The following N4BP2 variants were observed in gnomAD, a reference collection of about 807,000 sequenced individuals.
N4BP2 encodes NEDD4-binding protein 2.
Under a neutral mutation model 152.8 loss-of-function variants are expected in N4BP2, and 91 were observed. That is an observed-to-expected ratio of 0.60 (90% confidence interval 0.50 to 0.71). The LOEUF is 0.71. Among genes scored for constraint, N4BP2 ranks in the 30% least tolerant of loss-of-function variants. The pLI is 0.00. For synonymous variants in N4BP2, 646 were observed against 705.3 expected (o/e 0.92, Z 1.33); for missense variants, 1,923 against 2,059.1 (o/e 0.93, Z 1.28).
At chr4:40,151,313 G>T (rs1579159771) in intron 16 of N4BP2, among the ~76,000 whole-genome samples, 1 of 152,102 alleles carries the variant, frequency 6.6e-6, no homozygotes, top group African/African-American at 2.4e-5. Context: ...TGGCTCTGTT[G>T]CCCAGGCTGG....
chr4:40,142,971 A>C, intron 15 of N4BP2, 110 bp downstream of exon 15: 1 of 847,178 alleles, frequency 1.2e-6, no homozygotes, highest in Non-Finnish European at 1.8e-6. Flanking sequence ...TGGGGAATGT[A>C]GTAGTTATGT....
At chr4:40,108,573 C>T (rs1716550261) in intron 5 of N4BP2, among the ~76,000 whole-genome samples, 1 of 149,878 alleles carries the variant, frequency 6.7e-6, no homozygotes, top group Non-Finnish European at 1.5e-5. Context: ...CTCGGCCTCC[C>T]AAAGTGCTGG....
intron 1 of N4BP2, among the ~76,000 whole-genome samples, chr4:40,068,169 T>G (rs1245450490): frequency 6.6e-6 from 1 of 152,246 alleles, no homozygotes; most frequent in African/African-American, 2.4e-5. Flanking sequence ...TTGGGTTATT[T>G]GGATTTTGTT....
At chr4:40,176,349 C>A in the N4BP2 span, among the ~76,000 whole-genome samples, 2 of 152,180 alleles carry the variant, frequency 1.3e-5, no homozygotes, top group African/African-American at 2.4e-5. Context: ...GTTGGACATT[C>A]ATGCTGATCA....
At chr4:40,063,196 A>G (rs909520302) in intron 1 of N4BP2, among the ~76,000 whole-genome samples, 1 of 152,224 alleles carries the variant, frequency 6.6e-6, no homozygotes, top group African/African-American at 2.4e-5. Context: ...TTGGTGTTCA[A>G]GTAACAGAAA....
At chr4:40,171,332 A>G in the N4BP2 span, among the ~76,000 whole-genome samples, 1 of 152,144 alleles carries the variant, frequency 6.6e-6, no homozygotes, top group Non-Finnish European at 1.5e-5. Context: ...AGAGAGTGCC[A>G]TCTTGTTTTC....
chr4:40,103,252 A>G (rs766382735), intron 4 of N4BP2, 34 bp downstream of exon 4: 1 of 1,533,560 alleles, frequency 6.5e-7, no homozygotes, highest in East Asian at 2.3e-5. Context: ...AAAAAATAGT[A>G]TAATGTCTGA....
chr4:40,146,950 T>TTCTC lies in N4BP2; in HGVS notation c.5143+2151_5143+2154dup, dbSNP rs1720591770. Among the ~76,000 whole-genome samples, 5 of 149,942 alleles carry TTCTC rather than the reference T, an allele frequency of 3.3e-5. No homozygotes were observed. In the South Asian group the frequency reaches 1.1e-3, roughly 32 times the overall value. On this transcript the variant is annotated intron_variant, in intron 16 of 17. Transcript: ENST00000261435. ...TTTTTTATTGATCATTCTTGGGTGT[T>TTCTC]TCTCGCAGAGGGGGATTTGGCAGGG...
At chr4:40,067,471 T>C (rs1711641774) in intron 1 of N4BP2, among the ~76,000 whole-genome samples, 1 of 152,092 alleles carries the variant, frequency 6.6e-6, no homozygotes, top group African/African-American at 2.4e-5. Context: ...TTGACTATTG[T>C]GAATAACGCT....
At chr4:40,069,301 TAG>T (rs1381732793) in intron 1 of N4BP2, among the ~76,000 whole-genome samples, 1 of 151,602 alleles carries the variant, frequency 6.6e-6, no homozygotes, top group Admixed American at 6.6e-5. Context: ...TAGCTGGGCT[TAG>T]TTGTTCTTGC....
In N4BP2 at chr4:40,121,579, G is replaced by T. The variant is rs1164624131; in HGVS notation, c.3468G>T (p.Gly1156=). 1.9e-6 allele frequency: 3 copies of T among 1,613,980 alleles called. No individual in the cohort carries two copies. In the African/African-American group the frequency reaches 4.0e-5, roughly 22 times the overall value. Reference sequence around the variant, plus strand: ...CACAAATTGGGCCTTTTTCTCTGGGGTTGAATTTGAAAGAAATTATTAGCC... The same window carrying T: ...CACAAATTGGGCCTTTTTCTCTGGGTTTGAATTTGAAAGAAATTATTAGCC... ...DGSQIGPFSL[G]LNLKEIISQR... is the part of the protein sequence containing the mutation. Residue 1156 remains glycine (G), a synonymous_variant, in exon 9 of 18, where the codon GGG becomes GGT. Coordinates refer to ENST00000261435, the MANE Select transcript of N4BP2 (RefSeq NM_018177.6).
At chr4:40,103,256 T>A (rs953880016) in intron 4 of N4BP2, 38 bp downstream of exon 4, 19 of 1,518,078 alleles carry the variant, frequency 1.3e-5, no homozygotes, top group Non-Finnish European at 1.6e-5. Context: ...AATAGTATAA[T>A]GTCTGAATTT....
At chr4:40,062,008 C>T (rs940125987) in intron 1 of N4BP2, among the ~76,000 whole-genome samples, 1 of 150,402 alleles carries the variant, frequency 6.6e-6, no homozygotes, top group Non-Finnish European at 1.5e-5. Flanking sequence ...TAATTTGCTG[C>T]TTTATTTATT....
intron 16 of N4BP2, among the ~76,000 whole-genome samples, chr4:40,147,835 C>T (rs944673585): frequency 6.6e-6 from 1 of 150,404 alleles, no homozygotes; most frequent in Admixed American, 6.6e-5. Context: ...CAGAGACGCT[C>T]CTCACCTCCC....
At chr4:40,141,353 T>G (rs1306487374) in intron 14 of N4BP2, among the ~76,000 whole-genome samples, 146 of 111,774 alleles carry the variant, frequency 1.3e-3, no homozygotes, top group Middle Eastern at 0.011. Flanking sequence ...GGGCGGAGGG[T>G]CTCCTCACTT....
chr4:40,075,322 A>T (rs968654636), intron 2 of N4BP2, among the ~76,000 whole-genome samples: 3 of 152,202 alleles, frequency 2.0e-5, no homozygotes, highest in Admixed American at 2.0e-4. Flanking sequence ...AATTAAAGGT[A>T]TATATTTTTC....
At chr4:40,186,853 T>G in the N4BP2 span, among the ~76,000 whole-genome samples, 4 of 152,258 alleles carry the variant, frequency 2.6e-5, no homozygotes, top group African/African-American at 9.6e-5. Flanking sequence ...CTATTTTTCC[T>G]GATAAGTCAT....
At position 40,131,839 on chromosome 4, in the gene N4BP2, T is replaced by C. The variant is rs951544342; in HGVS notation, c.4566T>C (p.Thr1522=). 2 of 1,613,628 alleles carry C rather than the reference T, an allele frequency of 1.2e-6. No individual in the cohort carries two copies. The part of the protein sequence containing the change: ...ETLMFEKDCA[T]KLKEKQLFKI... ...TTATGTTTGAAAAAGATTGTGCCACTAAACTAAAGGAGAAGCAGCTCTTTA... is the reference window on the plus strand; with the variant it reads ...TTATGTTTGAAAAAGATTGTGCCACCAAACTAAAGGAGAAGCAGCTCTTTA... The change falls in exon 13 of 18, where the codon ACT becomes ACC. Residue 1522 remains threonine (T), a synonymous_variant. Transcript: ENST00000261435.
intron 3 of N4BP2, among the ~76,000 whole-genome samples, chr4:40,100,886 C>A (rs1477313168): frequency 6.6e-6 from 1 of 152,164 alleles, no homozygotes; most frequent in East Asian, 1.9e-4. Context: ...AAACTTCTAG[C>A]TCAAATGCTA....
Sources: gnomAD v4.1 joint callset for allele counts (sites outside exome capture counted in the v4.1 genomes callset) on GRCh38, gnomAD v4.1.1 for gene constraint, MANE v1.5 for transcripts, NCBI Gene and HGNC (gene_info 2026-07-23, HGNC 2026-07-21) for gene names.